Variants in UNKL observed in about 807,000 individuals in gnomAD.
The protein encoded by UNKL is unk like zinc finger.
Under a neutral mutation model 78.0 loss-of-function variants are expected in UNKL, and 60 were observed. The ratio of observed to expected loss-of-function variants is 0.77; its 90% confidence interval spans 0.63 to 0.95. UNKL has a LOEUF of 0.95. Ranked by LOEUF, UNKL falls within the 40% of genes least tolerant of loss-of-function variation. UNKL has a pLI of 0.00. For missense variants in UNKL, 1,159 were observed against 1,045.7 expected (o/e 1.11, Z -1.49); for synonymous variants, 608 against 474.8 (o/e 1.28, Z -3.65).
rs933500626 is a variant in UNKL at position 1,376,965 on chromosome 16, C to G, written c.1265-5354G>C. 2.6e-5 allele frequency among the ~76,000 whole-genome samples: 4 copies of G among 152,210 alleles called. No individual in the cohort carries two copies. In the East Asian group the frequency reaches 7.7e-4, roughly 29 times the overall value. On this transcript the variant is annotated intron_variant, in intron 10 of 14. Transcript: ENST00000389221. ...GGATAAGAGGACCTGCTGTGTTTCC[C>G]TGCAACGCCACGTACCTAGGTGCGA...
rs1201009840 is a variant in UNKL, at chr16:1,397,162, G to T, written c.852+16C>A. The stretch of plus-strand genomic sequence containing the variant: ...CTTCCAGCGACCCCTACGCCTGGGG[G>T]GTTGGAGGGACGTACCTCGGGATGG... On this transcript the variant is annotated intron_variant, in intron 6 of 14. Transcript: ENST00000389221. 1 of 1,546,296 alleles carries T rather than the reference G, an allele frequency of 6.5e-7. No individual in the cohort carries two copies. Among genetic ancestry groups the T allele is most frequent in the Non-Finnish European group, 8.7e-7 (1 of 1,146,248 alleles).
intron 12 of UNKL, among the ~76,000 whole-genome samples, chr16:1,368,826 G>A (rs532867858): frequency 6.1e-4 from 93 of 152,086 alleles, no homozygotes; most frequent in African/African-American, 1.4e-4. Flanking sequence ...ATTTTAACCC[G>A]GAAGGCAGAG....
chr16:1,370,388 G>A, intron 11 of UNKL, 31 bp from the exon 12 acceptor site: 1 of 1,529,066 alleles, frequency 6.5e-7, no homozygotes, highest in Non-Finnish European at 8.7e-7. Flanking sequence ...AGCGAAGGGA[G>A]TACCGCCAGG....
At chr16:1,380,200 C>T (rs185642470) in intron 10 of UNKL, among the ~76,000 whole-genome samples, 3 of 152,140 alleles carry the variant, frequency 2.0e-5, no homozygotes, top group Admixed American at 6.5e-5. Flanking sequence ...CTAAAAATCC[C>T]TTAAATACAG....
At position 1,392,989 on chromosome 16, in the gene UNKL, G is replaced by C. The variant is rs772611472; in HGVS notation, c.938-13C>G. 1.3e-6 allele frequency: 2 copies of C among 1,550,416 alleles called. No homozygotes were observed. The highest frequency in any genetic ancestry group is 1.7e-6 in the Non-Finnish European group (2 of 1,146,942). On this transcript the variant is annotated splice_polypyrimidine_tract_variant and intron_variant, in intron 7 of 14. Transcript: ENST00000389221. ...ATCCCCAGGCTCTCTGCAAGGACAGGGGAGCAGCAGACTCTGAGGGCCGCT... is the reference window on the plus strand; with the variant it reads ...ATCCCCAGGCTCTCTGCAAGGACAGCGGAGCAGCAGACTCTGAGGGCCGCT...
intron 7 of UNKL, among the ~76,000 whole-genome samples, chr16:1,393,435 C>T (rs1395356923): frequency 6.6e-6 from 1 of 150,800 alleles, no homozygotes; most frequent in Non-Finnish European, 1.5e-5. Flanking sequence ...AGGAAACCCA[C>T]TGCAGCGTGG....
rs1219684302 is a variant in UNKL, at chr16:1,399,090, G to A, written c.734+284C>T. On this transcript the variant is annotated intron_variant, in intron 5 of 14. Transcript: ENST00000389221. This position sits in a 1 kb window ranked among gnomAD's most constrained non-coding sequence, Gnocchi z 5.8. Reference sequence around the variant, plus strand: ...CACGGGGGTCCCAGCTGGGCTTGGGGTCCCTCCTGCAGTGCTCCGTCCCCT... The same window carrying A: ...CACGGGGGTCCCAGCTGGGCTTGGGATCCCTCCTGCAGTGCTCCGTCCCCT... The A allele has an allele frequency of 3.1e-6, 4 of 1,284,522 alleles. No homozygotes were observed. In the East Asian group the frequency reaches 7.7e-5, roughly 25 times the overall value. The allele number at this position is 1,284,522 out of a possible 1,614,324, so 79.6% of individuals were successfully genotyped here. A position where few individuals can be genotyped will look rare whatever the true frequency, so the allele number is the denominator to read the frequency against.
chr16:1,378,792 G>A (rs920056025), intron 10 of UNKL: 4 of 152,094 alleles, frequency 2.6e-5, no homozygotes, highest in Non-Finnish European at 5.9e-5. Context: ...ACCGGAGAGG[G>A]TCCTGGAGGC....
At chr16:1,374,587 C>A (rs924025335) in intron 10 of UNKL, among the ~76,000 whole-genome samples, 8 of 152,158 alleles carry the variant, frequency 5.3e-5, no homozygotes, top group Non-Finnish European at 1.5e-5. Context: ...CAAGCTGGGG[C>A]CCAGCAGAAG....
intron 2 of UNKL, among the ~76,000 whole-genome samples, chr16:1,404,279 CA>C (rs2037654760): frequency 6.6e-6 from 1 of 152,214 alleles, no homozygotes; most frequent in Admixed American, 6.5e-5. Flanking sequence ...CCTCCAGCTC[CA>C]ACTGGGGAGC....
chr16:1,412,573 G>A (rs28491348), intron 2 of UNKL, among the ~76,000 whole-genome samples: 1,762 of 152,354 alleles, frequency 0.012, 39 homozygotes, highest in African/African-American at 0.039. Context: ...TCAAGTCACT[G>A]CACTCCAACC....
intron 10 of UNKL, chr16:1,384,066 C>CA: frequency 5.2e-6 from 1 of 190,704 alleles, no homozygotes; most frequent in South Asian, 9.0e-5. Flanking sequence ...TCCCTGAGTC[C>CA]CTCACTGTCA....
At chr16:1,392,812 C>T in intron 8 of UNKL, 79 bp downstream of exon 8, 1 of 1,496,960 alleles carries the variant, frequency 6.7e-7, no homozygotes, top group Non-Finnish European at 9.1e-7. Context: ...TTGCTGAAAA[C>T]TCATATCCAT....
intron 10 of UNKL, among the ~76,000 whole-genome samples, chr16:1,380,382 GC>G (rs1465561790): frequency 6.6e-6 from 1 of 152,176 alleles, no homozygotes; most frequent in Non-Finnish European, 1.5e-5. Flanking sequence ...TACACCTGGG[GC>G]CAGACAGTCC....
intron 2 of UNKL, among the ~76,000 whole-genome samples, chr16:1,406,477 T>C (rs1226144823): frequency 6.6e-6 from 1 of 152,124 alleles, no homozygotes; most frequent in East Asian, 1.9e-4. Context: ...CATCCCAAAG[T>C]GCTGGGATTA....
chr16:1,392,630 T>G (rs927003319), intron 8 of UNKL, among the ~76,000 whole-genome samples: 45 of 152,142 alleles, frequency 3.0e-4, no homozygotes, highest in African/African-American at 1.0e-3. Context: ...AGATGGAGTT[T>G]CACCATGTTG....
intron 3 of UNKL, 103 bp from the exon 4 acceptor site, chr16:1,401,804 G>C (rs1596753026): frequency 3.4e-6 from 5 of 1,468,862 alleles, no homozygotes; most frequent in Non-Finnish European, 4.5e-6. Flanking sequence ...TGCACAGAGA[G>C]GCTGCTGCCG....
intron 10 of UNKL, among the ~76,000 whole-genome samples, chr16:1,375,551 C>T (rs544542317): frequency 3.3e-5 from 5 of 152,292 alleles, no homozygotes; most frequent in African/African-American, 7.2e-5. Flanking sequence ...CTGGGGCGTC[C>T]GGGACGGCAC....
In UNKL at chr16:1,366,257, G is replaced by A. The variant is rs764241471; in HGVS notation, c.2185C>T (p.Gln729Ter). 4 of 1,581,114 alleles carry A rather than the reference G, an allele frequency of 2.5e-6. No individual in the cohort carries two copies. The highest frequency in any genetic ancestry group is 1.3e-5 in the African/African-American group (1 of 74,346). ...TAPECPYCKGQPLQW is the reference protein window; with the variant it reads ...TAPECPYCKG ...CGCTGAGGTCACCACTGCAGGGGCT[G>A]GCCCTTGCAGTAGGGGCACTCAGGT... Residue 729 changes from glutamine to a stop codon, truncating the protein, a stop_gained, in exon 15 of 15, where the codon CAG becomes TAG. Transcript: ENST00000389221. LOFTEE classifies it high-confidence loss of function.
Sources: gnomAD v4.1 joint callset for allele counts (sites outside exome capture counted in the v4.1 genomes callset) on GRCh38, gnomAD v4.1.1 for gene constraint, Gnocchi (gnomAD v3.1) non-coding constraint, MANE v1.5 for transcripts, NCBI Gene and HGNC (gene_info 2026-07-23, HGNC 2026-07-21) for gene names.